Variants in SASH1 observed in about 807,000 individuals in gnomAD.
The protein encoded by SASH1 is SAM and SH3 domain containing 1, also known as SAM and SH3 domain-containing protein 1.
SASH1 carries 44 observed loss-of-function variants against 125.2 expected under a neutral mutation model. The observed-to-expected ratio is 0.35, with a 90% CI of 0.28 to 0.45. The LOEUF is 0.45. SASH1 is among the 20% of genes least tolerant of loss of function. SASH1 has a pLI of 1.00. For synonymous variants in SASH1, 639 were observed against 649.1 expected, an observed-to-expected ratio of 0.98 and a Z score of 0.24; for missense variants, 1,426 against 1,614.5, an observed-to-expected ratio of 0.88 and a Z score of 2.00.
chr6:148,394,273 G>C (rs1295597798), intron 2 of SASH1, among the ~76,000 whole-genome samples: 6 of 152,132 alleles, frequency 3.9e-5, no homozygotes, highest in Non-Finnish European at 8.8e-5. Flanking sequence ...TCGGGTTTAG[G>C]TGCTGGATGT....
the SASH1 span, among the ~76,000 whole-genome samples, chr6:148,233,022 C>T: frequency 2.6e-5 from 4 of 151,978 alleles, no homozygotes; most frequent in African/African-American, 9.7e-5. Flanking sequence ...TCAAGACCAG[C>T]CTGGCCAACA....
the SASH1 span, among the ~76,000 whole-genome samples, chr6:148,244,965 A>T: frequency 4.6e-3 from 665 of 143,392 alleles, 1 homozygote; most frequent in African/African-American, 0.01. Context: ...TGTGTGAGAG[A>T]GAGAGAGAGA....
chr6:148,396,437 G>A (rs893501432), intron 2 of SASH1, among the ~76,000 whole-genome samples: 6 of 129,372 alleles, frequency 4.6e-5, no homozygotes, highest in East Asian at 2.2e-4. Flanking sequence ...AGATCATGCC[G>A]CTTTACTCCA....
intron 19 of SASH1, 113 bp downstream of exon 19, chr6:148,546,259 G>C (rs1782562308): frequency 8.1e-7 from 1 of 1,229,108 alleles, no homozygotes; most frequent in African/African-American, 1.5e-5. Context: ...ATGGAAAGGA[G>C]ACAGCTGGGG....
rs1034766576 is a variant in SASH1, at chr6:148,550,833, C to A, written c.*2275C>A. 3.9e-5 allele frequency: 6 copies of A among 152,300 alleles called. No homozygotes were observed. The East Asian group carries it at 7.7e-4, about 20-fold the overall frequency. 9.4% of individuals were successfully genotyped at this position (152,300 alleles called of 1,614,324 possible). On this transcript the variant is annotated 3_prime_UTR_variant, in exon 20 of 20. Coordinates refer to ENST00000367467, the MANE Select transcript of SASH1 (RefSeq NM_015278.5). ...GTCATTGTTTAAGCTGAGCAAAAAA[C>A]CACACAAAAGTTGTGTAAGAGATGA...
upstream of SASH1, among the ~76,000 whole-genome samples, chr6:148,267,568 CGG>C (rs1778977296): frequency 6.6e-6 from 1 of 151,968 alleles, no homozygotes; most frequent in Admixed American, 6.6e-5. Flanking sequence ...TTAGTAGAGA[CGG>C]GGTTTCACCG....
At chr6:148,210,962 T>A in the SASH1 span, among the ~76,000 whole-genome samples, 1 of 152,312 alleles carries the variant, frequency 6.6e-6, no homozygotes, top group African/African-American at 2.4e-5. Context: ...AAAGAAAACA[T>A]TGTTGAGTGG....
At chr6:148,237,521 C>A in the SASH1 span, 4 of 152,146 alleles carry the variant, frequency 2.6e-5, no homozygotes, top group African/African-American at 9.7e-5. Flanking sequence ...TTGTCCTCTA[C>A]AGCAGAATTG....
chr6:148,416,184 G>C (rs1784808104), intron 2 of SASH1, among the ~76,000 whole-genome samples: 1 of 152,244 alleles, frequency 6.6e-6, no homozygotes, highest in Non-Finnish European at 1.5e-5. Flanking sequence ...GGGCAGACAG[G>C]ATGCAATTTG....
intron 1 of SASH1, among the ~76,000 whole-genome samples, chr6:148,325,747 A>G (rs753838745): frequency 5.9e-5 from 9 of 152,112 alleles, no homozygotes; most frequent in Non-Finnish European, 8.8e-5. Flanking sequence ...CAGTCAAACC[A>G]TATCACCCTC....
rs543250818 is a variant in SASH1 at position 148,435,343 on chromosome 6, C to T, written c.286-4841C>T. On this transcript the variant is annotated intron_variant, in intron 2 of 19. Coordinates refer to ENST00000367467, the MANE Select transcript of SASH1 (RefSeq NM_015278.5). ...CAGTAAGCCGAAGATCGTGCCATTG[C>T]GCTCCAGCCTGGGAGACAGAGCCAG... 1.0e-4 allele frequency among the ~76,000 whole-genome samples: 15 copies of T among 142,954 alleles called. No homozygotes were observed. In the East Asian group the frequency reaches 1.5e-3, roughly 14 times the overall value. 93.8% of individuals were successfully genotyped at this position (142,954 alleles called of 152,430 possible).
intron 7 of SASH1, among the ~76,000 whole-genome samples, chr6:148,476,934 C>CA (rs1778389307): frequency 6.6e-6 from 1 of 152,150 alleles, no homozygotes; most frequent in African/African-American, 2.4e-5. Context: ...AACTCACTTT[C>CA]AACAAAGGTG....
chr6:148,402,470 G>A lies in SASH1; in HGVS notation c.285+12208G>A, dbSNP rs140682447. Among the ~76,000 whole-genome samples, 122 of 151,812 alleles carry A rather than the reference G, an allele frequency of 8.0e-4. 1 individual carries two copies. Among genetic ancestry groups the A allele is most frequent in the African/African-American group, 2.6e-3 (109 of 41,392 alleles). On this transcript the variant is annotated intron_variant, in intron 2 of 19. Transcript: ENST00000367467. ...GATTACAGGCGTGTACCACCATGCC[G>A]GACTTTTTTTGTATTTTTAGTAGAG...
At chr6:148,523,450 A>G (rs1187175268) in intron 10 of SASH1, among the ~76,000 whole-genome samples, 6 of 152,224 alleles carry the variant, frequency 3.9e-5, no homozygotes, top group Non-Finnish European at 7.4e-5. Flanking sequence ...TTCTCTTTCT[A>G]TAGAATAGAT....
At chr6:148,241,872 A>C in the SASH1 span, among the ~76,000 whole-genome samples, 1 of 152,218 alleles carries the variant, frequency 6.6e-6, no homozygotes, top group East Asian at 1.9e-4. Flanking sequence ...CATTTGTATC[A>C]ATTACCTCTA....
At chr6:148,348,999 G>T (rs1473733742) in intron 1 of SASH1, among the ~76,000 whole-genome samples, 1 of 152,138 alleles carries the variant, frequency 6.6e-6, no homozygotes, top group Non-Finnish European at 1.5e-5. Context: ...TTGGATTTGG[G>T]CCCTGAGGGA....
At chr6:148,193,813 G>C in the SASH1 span, among the ~76,000 whole-genome samples, 1 of 152,112 alleles carries the variant, frequency 6.6e-6, no homozygotes, top group East Asian at 1.9e-4. Context: ...TGAATTGTTT[G>C]GCAGGAACTT....
intron 1 of SASH1, among the ~76,000 whole-genome samples, chr6:148,297,519 A>G (rs1779795866): frequency 6.6e-6 from 1 of 152,226 alleles, no homozygotes. Context: ...CCTATGCAGT[A>G]TTTGGGATAT....
the SASH1 span, among the ~76,000 whole-genome samples, chr6:148,229,195 G>T: frequency 7.2e-6 from 1 of 138,590 alleles, no homozygotes; most frequent in African/African-American, 2.7e-5. Context: ...GTTCTAACAT[G>T]ATAAAAATTT....
Sources: allele counts gnomAD v4.1 joint callset (sites outside exome capture counted in the v4.1 genomes callset), GRCh38; gene constraint gnomAD v4.1.1; transcripts MANE v1.5; gene names NCBI Gene and HGNC (gene_info 2026-07-23, HGNC 2026-07-21).